The following DIAPH2 variants were observed in gnomAD, a reference collection of about 807,000 sequenced individuals.
The protein encoded by DIAPH2 is protein diaphanous homolog 2.
In DIAPH2, 35 loss-of-function variants were observed where a neutral mutation model predicts 92.7. The observed-to-expected ratio is 0.38, with a 90% CI of 0.29 to 0.50. The LOEUF is 0.50. Ranked by LOEUF, DIAPH2 falls within the 20% of genes least tolerant of loss-of-function variation. The pLI is 0.94. For synonymous variants in DIAPH2, 301 were observed against 280.4 expected, an observed-to-expected ratio of 1.07 and a Z score of -0.73; for missense variants, 701 against 819.5, an observed-to-expected ratio of 0.86 and a Z score of 1.77.
At chrX:97,096,396 C>T (rs1186390049) in intron 19 of DIAPH2, among the ~76,000 whole-genome samples, 1 of 111,954 alleles carries the variant, frequency 8.9e-6, no homozygotes, top group Non-Finnish European at 1.9e-5. Context: ...TGCTCTTGCT[C>T]ATAGCTGCTG....
At chrX:96,973,478 G>A (rs2065940032) in intron 17 of DIAPH2, among the ~76,000 whole-genome samples, 1 of 111,458 alleles carries the variant, frequency 9.0e-6, no homozygotes, top group South Asian at 3.8e-4. Context: ...AGCCAGGATG[G>A]CAGAGTCTCA....
chrX:97,378,562 T>G (rs1266275920), intron 24 of DIAPH2, among the ~76,000 whole-genome samples: 1 of 111,138 alleles, frequency 9.0e-6, no homozygotes, highest in Non-Finnish European at 1.9e-5. Flanking sequence ...AGAAAGAAAC[T>G]TTGCCAGGCA....
intron 25 of DIAPH2, among the ~76,000 whole-genome samples, chrX:97,426,660 A>G (rs2070068405): frequency 9.0e-6 from 1 of 111,128 alleles, no homozygotes; most frequent in Non-Finnish European, 1.9e-5. Context: ...AAGTCTTTCT[A>G]AAGAATAAAT....
intron 26 of DIAPH2, chrX:97,449,619 G>A: frequency 1.4e-6 from 1 of 717,196 alleles, no homozygotes; most frequent in Non-Finnish European, 1.7e-6. Flanking sequence ...ATTTTCAATT[G>A]GTTACCCGGC....
chrX:97,469,933 A>G, intron 26 of DIAPH2: 2 of 668,453 alleles, frequency 3.0e-6, no homozygotes, highest in Non-Finnish European at 2.1e-6. Context: ...ATGGTTAACC[A>G]TATCTATGCC....
At chrX:97,459,176 G>A (rs1195237527) in intron 26 of DIAPH2, among the ~76,000 whole-genome samples, 1 of 112,016 alleles carries the variant, frequency 8.9e-6, no homozygotes, top group African/African-American at 3.2e-5. Context: ...ATTCTCACAG[G>A]CCATGGGTGT....
At chrX:97,141,530 A>G (rs2067208660) in intron 21 of DIAPH2, 135 bp from the exon 22 acceptor site, 1 of 602,480 alleles carries the variant, frequency 1.7e-6, no homozygotes, top group South Asian at 3.7e-5. Flanking sequence ...GAGCACCGCT[A>G]CTAGACCACA....
intron 1 of DIAPH2, among the ~76,000 whole-genome samples, chrX:96,718,358 T>TTTTTTTTTTTTTTTTTTTTTG (rs1569373822): frequency 2.9e-5 from 2 of 69,416 alleles, no homozygotes; most frequent in Non-Finnish European, 5.6e-5. Context: ...TTTTTTTTTT[T>TTTTTTTTTTTTTTTTTTTTTG]TTTTTTTTTT....
At chrX:96,709,682 C>T (rs1397774937) in intron 1 of DIAPH2, among the ~76,000 whole-genome samples, 10 of 111,821 alleles carry the variant, frequency 8.9e-5, no homozygotes, top group African/African-American at 2.9e-4. Flanking sequence ...AAAAAATTAA[C>T]CACACACTGG....
At chrX:97,195,007 T>C (rs1312408857) in intron 22 of DIAPH2, among the ~76,000 whole-genome samples, 1 of 111,892 alleles carries the variant, frequency 8.9e-6, no homozygotes, top group African/African-American at 3.2e-5. Flanking sequence ...CAAAAGCTAA[T>C]AAAATGAATC....
intron 4 of DIAPH2, among the ~76,000 whole-genome samples, chrX:96,836,979 A>C (rs1002710210): frequency 9.4e-6 from 1 of 106,058 alleles, no homozygotes; most frequent in Non-Finnish European, 1.9e-5. Flanking sequence ...CGCCCGCCTC[A>C]GCCTCCCAAA....
At chrX:97,302,877 G>C (rs1257711507) in intron 23 of DIAPH2, among the ~76,000 whole-genome samples, 2 of 111,044 alleles carry the variant, frequency 1.8e-5, no homozygotes, top group East Asian at 5.8e-4. Context: ...ACAGCTACTT[G>C]GGTGGCTGAG....
chrX:97,406,587 T>G (rs996520787), intron 25 of DIAPH2, among the ~76,000 whole-genome samples: 2 of 111,884 alleles, frequency 1.8e-5, no homozygotes, highest in African/African-American at 3.2e-5. Flanking sequence ...GACCCAGGAT[T>G]CCATACGTCG....
chrX:97,442,765 CT>C lies in DIAPH2; in HGVS notation c.3241+13021del, dbSNP rs2147787846. 4 of 112,223 alleles carry C rather than the reference CT, an allele frequency of 3.6e-5. No individual in the cohort carries two copies. In the South Asian group the frequency reaches 1.5e-3, roughly 42 times the overall value. The allele number at this position is 112,223 out of a possible 1,213,427, so 9.2% of individuals were successfully genotyped here. On this transcript the variant is annotated intron_variant, in intron 26 of 26. Coordinates refer to ENST00000324765, the MANE Select transcript of DIAPH2 (RefSeq NM_006729.5). ...GTGTATTAAAATTTGAACCTTACTC[CT>C]GGTAGTTCCTTTTCTTGTTGCCCAT...
intron 26 of DIAPH2, among the ~76,000 whole-genome samples, chrX:97,586,996 A>G (rs984402857): frequency 8.9e-6 from 1 of 112,302 alleles, no homozygotes; most frequent in Non-Finnish European, 1.9e-5. Context: ...CCATTAGACT[A>G]ATTTTTAAAC....
At chrX:97,465,383 G>A (rs892122373) in intron 26 of DIAPH2, among the ~76,000 whole-genome samples, 2 of 111,393 alleles carry the variant, frequency 1.8e-5, no homozygotes, top group Admixed American at 9.6e-5. Context: ...AAGGCATATC[G>A]AAAATATTTT....
At chrX:97,095,097 T>C (rs2066856310) in intron 19 of DIAPH2, among the ~76,000 whole-genome samples, 1 of 82,193 alleles carries the variant, frequency 1.2e-5, no homozygotes, top group African/African-American at 4.7e-5. Context: ...TGTTTCTTTT[T>C]CTTTTTTTTT....
chrX:97,190,459 A>G (rs2067643347), intron 22 of DIAPH2, among the ~76,000 whole-genome samples: 1 of 112,671 alleles, frequency 8.9e-6, no homozygotes, highest in African/African-American at 3.2e-5. Context: ...AACTTTTAGA[A>G]ACTTTTCAAA....
At chrX:96,799,624 A>C (rs941484681) in intron 4 of DIAPH2, among the ~76,000 whole-genome samples, 1 of 111,141 alleles carries the variant, frequency 9.0e-6, no homozygotes, top group Non-Finnish European at 1.9e-5. Flanking sequence ...CCTGGCTAGC[A>C]TGGTGAAACC....
Sources: allele counts gnomAD v4.1 joint callset (sites outside exome capture counted in the v4.1 genomes callset), GRCh38; gene constraint gnomAD v4.1.1; transcripts MANE v1.5; gene names NCBI Gene and HGNC (gene_info 2026-07-23, HGNC 2026-07-21).